Variants in EXOC2 observed in about 807,000 individuals in gnomAD.
EXOC2 encodes SEC5-like 1.
Under a neutral mutation model 131.8 loss-of-function variants are expected in EXOC2, and 70 were observed. The ratio of observed to expected loss-of-function variants is 0.53; its 90% CI spans 0.44 to 0.65. The LOEUF is 0.65. EXOC2 is among the 30% of genes least tolerant of loss of function. The probability of loss-of-function intolerance (pLI) is 0.00; values close to 1 mark genes in which losing one functional copy is unlikely to be tolerated. For missense variants in EXOC2, 923 were observed against 1,108.6 expected, an observed-to-expected ratio of 0.83 and a Z score of 2.38; for synonymous variants, 411 against 398.4, an observed-to-expected ratio of 1.03 and a Z score of -0.38.
At chr6:664,710 T>C (rs1763561201) in intron 1 of EXOC2, among the ~76,000 whole-genome samples, 1 of 152,174 alleles carries the variant, frequency 6.6e-6, no homozygotes, top group Non-Finnish European at 1.5e-5. Flanking sequence ...TTTCAACAAA[T>C]GGTGCTAGTA....
chr6:593,039 A>G (rs554167487), intron 10 of EXOC2, among the ~76,000 whole-genome samples: 77 of 152,338 alleles, frequency 5.1e-4, no homozygotes, highest in African/African-American at 1.7e-3. Flanking sequence ...CCAAACAAAC[A>G]AACAAGCAAA....
chr6:652,385 A>G (rs1256954536), intron 1 of EXOC2, among the ~76,000 whole-genome samples: 2 of 152,204 alleles, frequency 1.3e-5, no homozygotes, highest in Non-Finnish European at 1.5e-5. Context: ...TGGAATTTAG[A>G]AATCACCAAA....
At chr6:683,409 G>T (rs1318706314) in intron 1 of EXOC2, among the ~76,000 whole-genome samples, 1 of 152,188 alleles carries the variant, frequency 6.6e-6, no homozygotes, top group African/African-American at 2.4e-5. Context: ...TGGATAAAAA[G>T]ATATTCTCCT....
chr6:570,902 C>G (rs1758242748), intron 13 of EXOC2, among the ~76,000 whole-genome samples: 1 of 152,236 alleles, frequency 6.6e-6, no homozygotes, highest in Admixed American at 6.5e-5. Flanking sequence ...AGAGAGGAAG[C>G]TGGTGCCTGC....
At chr6:588,645 A>G (rs1179408470) in intron 11 of EXOC2, among the ~76,000 whole-genome samples, 1 of 152,208 alleles carries the variant, frequency 6.6e-6, no homozygotes, top group Middle Eastern at 3.2e-3. Context: ...GGGCCACCGC[A>G]CCGGCCCTTC....
At chr6:603,750 G>A (rs907775055) in intron 7 of EXOC2, among the ~76,000 whole-genome samples, 1 of 151,916 alleles carries the variant, frequency 6.6e-6, no homozygotes, top group Non-Finnish European at 1.5e-5. Flanking sequence ...CATTTTGCAC[G>A]TGGTACTTGG....
intron 10 of EXOC2, among the ~76,000 whole-genome samples, chr6:594,298 G>A (rs533526869): frequency 3.3e-5 from 5 of 152,310 alleles, no homozygotes; most frequent in African/African-American, 7.2e-5. Context: ...TTACCTGAAC[G>A]ATAAATATAA....
intron 22 of EXOC2, among the ~76,000 whole-genome samples, chr6:547,087 T>C (rs770785519): frequency 2.0e-5 from 3 of 152,248 alleles, no homozygotes; most frequent in Admixed American, 6.5e-5. Context: ...ATGAAGATTA[T>C]GGAGCTGATG....
chr6:595,885 T>A (rs1354493948), intron 10 of EXOC2, among the ~76,000 whole-genome samples: 1 of 152,110 alleles, frequency 6.6e-6, no homozygotes, highest in Non-Finnish European at 1.5e-5. Flanking sequence ...AAATGTGTGG[T>A]TTATTTCCAG....
At chr6:548,006 A>T (rs1756952041) in intron 22 of EXOC2, among the ~76,000 whole-genome samples, 1 of 152,248 alleles carries the variant, frequency 6.6e-6, no homozygotes, top group Admixed American at 6.5e-5. Flanking sequence ...AAAATGATAA[A>T]TAACATTTCT....
intron 1 of EXOC2, among the ~76,000 whole-genome samples, chr6:682,492 G>A (rs766647257): frequency 4.6e-4 from 70 of 152,028 alleles, no homozygotes; most frequent in African/African-American, 1.6e-3. Flanking sequence ...GAGCCACCGC[G>A]CCCGGCCCCG....
intron 23 of EXOC2, among the ~76,000 whole-genome samples, chr6:527,827 AAAT>A (rs1309692351): frequency 2.6e-5 from 4 of 152,212 alleles, no homozygotes; most frequent in Admixed American, 1.3e-4. Flanking sequence ...AAATAACTTT[AAAT>A]AATATACATT....
chr6:604,221 A>G (rs1426012730), intron 7 of EXOC2, among the ~76,000 whole-genome samples: 1 of 152,116 alleles, frequency 6.6e-6, no homozygotes, highest in Non-Finnish European at 1.5e-5. Flanking sequence ...TTATGCGCCA[A>G]ACGTGCTCCT....
At chr6:627,776 A>G (rs892437068) in intron 4 of EXOC2, among the ~76,000 whole-genome samples, 3 of 152,204 alleles carry the variant, frequency 2.0e-5, no homozygotes, top group South Asian at 4.1e-4. Context: ...TTATATTTGT[A>G]TAAGAATCAT....
chr6:556,504 A>T lies in EXOC2; in HGVS notation c.1912T>A (p.Cys638Ser), dbSNP rs778889778. ...CTTACACTGGCCTCTCCCGGCTTGC[A>T]CTCCAGAACCCCCTTCAGTGACTGC... ...SLQSLKGVLE[C>S]KPGEASVFQQ... The change falls in exon 18 of 28, where the codon TGC becomes AGC. Residue 638 changes from cysteine to serine, a missense_variant. Transcript: ENST00000230449. 6.8e-6 allele frequency: 11 copies of T among 1,613,916 alleles called. No homozygotes were observed. Among genetic ancestry groups the T allele is most frequent in the Non-Finnish European group, 9.3e-6 (11 of 1,179,980 alleles).
intron 22 of EXOC2, among the ~76,000 whole-genome samples, chr6:538,545 G>C (rs374665166): frequency 6.6e-6 from 1 of 152,232 alleles, no homozygotes; most frequent in Non-Finnish European, 1.5e-5. Flanking sequence ...TGATGGGGGT[G>C]AGAAAGGCAG....
intron 11 of EXOC2, among the ~76,000 whole-genome samples, chr6:583,555 A>T (rs1231336880): frequency 1.3e-5 from 2 of 152,210 alleles, no homozygotes; most frequent in South Asian, 2.1e-4. Flanking sequence ...ACTTTACTAC[A>T]TGGGGATCTA....
Position 592,606 on chromosome 6 carries a change from G to A in EXOC2, c.1074-19C>T. ...CAGGTACCTGAAAAAGCAAGTCCAA[G>A]GTTGAGGCCAAAGGGAAATGCTGGC... On this transcript the variant is annotated intron_variant, in intron 10 of 27. Transcript: ENST00000230449. 1.3e-6 allele frequency: 2 copies of A among 1,578,620 alleles called. No individual in the cohort carries two copies. The highest frequency in any genetic ancestry group is 2.2e-5 in the East Asian group (1 of 44,506).
Position 574,618 on chromosome 6 carries a change from T to C in EXOC2, c.1319-1974A>G, listed in dbSNP as rs550677313. On this transcript the variant is annotated intron_variant, in intron 12 of 27. Transcript: ENST00000230449. ...AGTTTTAAACTCATTTTCACAGGTG[T>C]GAAAGGAACGGTTCTTTACTTAAGG... Among the ~76,000 whole-genome samples the C allele has an allele frequency of 2.0e-5, 3 of 152,320 alleles. No individual in the cohort carries two copies. The South Asian group carries it at 6.2e-4, about 32-fold the overall frequency.
Sources: gnomAD v4.1 joint callset for allele counts (sites outside exome capture counted in the v4.1 genomes callset) on GRCh38, gnomAD v4.1.1 for gene constraint, MANE v1.5 for transcripts, NCBI Gene and HGNC (gene_info 2026-07-23, HGNC 2026-07-21) for gene names.